Variants in KCNH8 observed in about 807,000 individuals in gnomAD.
KCNH8 encodes potassium voltage-gated channel subfamily H member 8.
KCNH8 carries 70 observed loss-of-function variants against 103.6 expected under a neutral mutation model. That is an observed-to-expected ratio of 0.68 (90% CI 0.56 to 0.82). The LOEUF (loss-of-function observed/expected upper bound fraction) is 0.82, where lower values mean the gene tolerates loss of function less well. Among genes scored for constraint, KCNH8 ranks in the 40% least tolerant of loss-of-function variants. The pLI is 0.00. For synonymous variants in KCNH8, 498 were observed against 489.4 expected, an observed-to-expected ratio of 1.02 and a Z score of -0.23; for missense variants, 1,217 against 1,329.9, an observed-to-expected ratio of 0.92 and a Z score of 1.32.
intron 1 of KCNH8, among the ~76,000 whole-genome samples, chr3:19,171,143 A>G (rs922753429): frequency 5.2e-4 from 79 of 152,280 alleles, no homozygotes; most frequent in African/African-American, 1.8e-3. Context: ...CCTTGGCCAC[A>G]TAGTCTCTTT....
At chr3:19,252,665 G>A (rs768141368) in intron 1 of KCNH8, among the ~76,000 whole-genome samples, 15 of 152,020 alleles carry the variant, frequency 9.9e-5, no homozygotes, top group Non-Finnish European at 1.8e-4. Flanking sequence ...TGTAATTACA[G>A]GCCTGAGCCA....
intron 1 of KCNH8, among the ~76,000 whole-genome samples, chr3:19,209,470 G>A (rs139619787): frequency 6.6e-6 from 1 of 152,170 alleles, no homozygotes; most frequent in East Asian, 1.9e-4. Context: ...AATGAAGTAG[G>A]TTCTTCTAAA....
At chr3:19,243,175 A>G (rs2064163815) in intron 1 of KCNH8, among the ~76,000 whole-genome samples, 1 of 152,138 alleles carries the variant, frequency 6.6e-6, no homozygotes, top group African/African-American at 2.4e-5. Flanking sequence ...TTTCAGCCTA[A>G]TTTATTTGGC....
At chr3:19,340,855 T>A (rs1012004479) in intron 3 of KCNH8, among the ~76,000 whole-genome samples, 2 of 152,094 alleles carry the variant, frequency 1.3e-5, no homozygotes, top group Non-Finnish European at 2.9e-5. Flanking sequence ...TTGGAGGAAA[T>A]AATTCAGCCA....
At chr3:19,204,417 G>C (rs1388478053) in intron 1 of KCNH8, among the ~76,000 whole-genome samples, 5 of 150,878 alleles carry the variant, frequency 3.3e-5, no homozygotes, top group South Asian at 4.2e-4. Flanking sequence ...TGCTGGGAGT[G>C]GGGGAAGAGA....
intron 3 of KCNH8, among the ~76,000 whole-genome samples, chr3:19,312,157 CTT>C (rs1230579069): frequency 6.6e-6 from 1 of 151,868 alleles, no homozygotes; most frequent in Non-Finnish European, 1.5e-5. Context: ...TTTAGTTTAA[CTT>C]TGTTGTGAAT....
chr3:19,197,483 T>C (rs1448283588), intron 1 of KCNH8, among the ~76,000 whole-genome samples: 1 of 152,106 alleles, frequency 6.6e-6, no homozygotes, highest in Non-Finnish European at 1.5e-5. Flanking sequence ...TTTAGACATT[T>C]AGCAGTTAAT....
intron 5 of KCNH8, among the ~76,000 whole-genome samples, chr3:19,371,138 CTGGGT>C (rs1559496270): frequency 2.7e-5 from 4 of 150,828 alleles, no homozygotes; most frequent in African/African-American, 9.8e-5. Flanking sequence ...AATGGGATGG[CTGGGT>C]CAAATGGTAT....
At chr3:19,298,814 C>T (rs1559465536) in intron 3 of KCNH8, among the ~76,000 whole-genome samples, 2 of 149,498 alleles carry the variant, frequency 1.3e-5, no homozygotes, top group Admixed American at 6.7e-5. Context: ...CCCAGCTACT[C>T]GGGAGGCTGA....
At chr3:19,334,282 A>G (rs1254698280) in intron 3 of KCNH8, among the ~76,000 whole-genome samples, 3 of 152,266 alleles carry the variant, frequency 2.0e-5, no homozygotes, top group Middle Eastern at 3.4e-3. Context: ...GCATCTGGCC[A>G]GTGTAGCATA....
intron 1 of KCNH8, among the ~76,000 whole-genome samples, chr3:19,228,839 T>G (rs770245328): frequency 1.3e-5 from 2 of 152,216 alleles, no homozygotes; most frequent in Non-Finnish European, 2.9e-5. Context: ...TGTCTACCTA[T>G]GAAAAAAATT....
intron 7 of KCNH8, among the ~76,000 whole-genome samples, chr3:19,417,841 A>G (rs2066886616): frequency 6.6e-6 from 1 of 152,200 alleles, no homozygotes; most frequent in Non-Finnish European, 1.5e-5. Flanking sequence ...TTCAGTATTT[A>G]CTATAAAATA....
Position 19,513,046 on chromosome 3 carries a change from G to T in KCNH8, c.2156G>T (p.Gly719Val). ...GAAGATGAGGAAGAGGAGGAGGAGG[G>T]GGAGGAAGAGGAGGCAGTCTCCCTC... Reference protein sequence around the residue: ...IVEDEEEEEEGEEEEAVSLSP... With the variant: ...IVEDEEEEEEVEEEEAVSLSP... Residue 719 changes from glycine to valine, a missense_variant, in exon 13 of 16, where the codon GGG (glycine) becomes GTG (valine). By Grantham distance (109) the Gly-to-Val change is moderately radical. Transcript: ENST00000328405. The T allele has an allele frequency of 6.2e-7, 1 of 1,613,530 alleles. No homozygotes were observed. Among genetic ancestry groups the T allele is most frequent in the Non-Finnish European group, 8.5e-7 (1 of 1,179,698 alleles).
chr3:19,191,412 T>C (rs2063552269), intron 1 of KCNH8, among the ~76,000 whole-genome samples: 1 of 151,866 alleles, frequency 6.6e-6, no homozygotes, highest in Non-Finnish European at 1.5e-5. Flanking sequence ...ATCTGATTAG[T>C]AATGAAATTA....
chr3:19,460,797 C>A (rs1262161817), intron 11 of KCNH8, among the ~76,000 whole-genome samples: 1 of 152,114 alleles, frequency 6.6e-6, no homozygotes, highest in Non-Finnish European at 1.5e-5. Context: ...ATCATGGGGG[C>A]AGTTTCGCTC....
At chr3:19,491,953 T>C (rs1286352054) in intron 11 of KCNH8, among the ~76,000 whole-genome samples, 1 of 152,204 alleles carries the variant, frequency 6.6e-6, no homozygotes, top group Non-Finnish European at 1.5e-5. Flanking sequence ...ATATGTTTGT[T>C]GGCCACTTGT....
intron 8 of KCNH8, among the ~76,000 whole-genome samples, chr3:19,444,412 T>C (rs1196690666): frequency 6.6e-6 from 1 of 151,958 alleles, no homozygotes; most frequent in African/African-American, 2.4e-5. Context: ...TAAAAGGTAA[T>C]ATAGGAGAAT....
At chr3:19,189,113 G>A (rs967250289) in intron 1 of KCNH8, among the ~76,000 whole-genome samples, 2 of 152,128 alleles carry the variant, frequency 1.3e-5, no homozygotes, top group South Asian at 4.1e-4. Context: ...TTAGATGTCA[G>A]CTAAATCAAA....
intron 1 of KCNH8, among the ~76,000 whole-genome samples, chr3:19,219,602 T>G (rs1209307399): frequency 6.6e-6 from 1 of 152,234 alleles, no homozygotes; most frequent in Admixed American, 6.5e-5. Flanking sequence ...GAAACAAGTT[T>G]CTTGCACACT....
Sources: gnomAD v4.1 joint callset for allele counts (sites outside exome capture counted in the v4.1 genomes callset) on GRCh38, gnomAD v4.1.1 for gene constraint, MANE v1.5 for transcripts, NCBI Gene and HGNC (gene_info 2026-07-23, HGNC 2026-07-21) for gene names.